Variants in RIMBP2 observed in about 807,000 individuals in gnomAD.
RIMBP2 encodes RIMS-binding protein 2.
Under a neutral mutation model 118.6 loss-of-function variants are expected in RIMBP2, and 48 were observed. The ratio of observed to expected loss-of-function variants is 0.40; its 90% CI spans 0.32 to 0.51. RIMBP2 has a LOEUF of 0.51. Ranked by LOEUF, RIMBP2 falls within the 20% of genes least tolerant of loss-of-function variation. RIMBP2 has a pLI of 0.41. For missense variants in RIMBP2, 1,551 were observed against 1,768.3 expected (o/e 0.88, Z 2.20); for synonymous variants, 762 against 742.9 (o/e 1.03, Z -0.42).
At position 130,710,781 on chromosome 12, in the gene RIMBP2, C is replaced by T. The variant is rs950734227; in HGVS notation, c.-352+5441G>A. Among the ~76,000 whole-genome samples, 1 of 152,214 alleles carries T rather than the reference C, an allele frequency of 6.6e-6. No individual in the cohort carries two copies. The highest frequency in any genetic ancestry group is 1.5e-5 in the Non-Finnish European group (1 of 68,046). ...CACCTACTAATGACAGACCACAAAA[C>T]ACCAACAAATGAGAATATCCCAAAT... On this transcript the variant is annotated intron_variant, in intron 1 of 22. Coordinates refer to ENST00000690449, the MANE Select transcript of RIMBP2 (RefSeq NM_001393629.1). The surrounding 1 kb of genome is among the most constrained non-coding windows in gnomAD (Gnocchi z 4.3).
intron 2 of RIMBP2, among the ~76,000 whole-genome samples, chr12:130,521,532 G>A (rs528864446): frequency 5.3e-5 from 8 of 152,316 alleles, no homozygotes; most frequent in African/African-American, 9.6e-5. Context: ...AAACGCACGC[G>A]TGGTCCCACA....
chr12:130,438,364 C>T lies in RIMBP2; in HGVS notation c.1656+1G>A, dbSNP rs530976000. The stretch of plus-strand genomic sequence containing the variant: ...TCCCCACCCACCCAACGAAAACTCA[C>T]CCTCTGCCCTTTGGCATACACGCCG... On this transcript the variant is annotated splice_donor_variant, in intron 12 of 22. Coordinates refer to ENST00000690449, the MANE Select transcript of RIMBP2 (RefSeq NM_001393629.1). LOFTEE classifies it high-confidence loss of function. The T allele has an allele frequency of 8.8e-7, 1 of 1,142,662 alleles. No homozygotes were observed. The highest frequency in any genetic ancestry group is 1.2e-5 in the South Asian group (1 of 82,630). 70.8% of individuals were successfully genotyped at this position (1,142,662 alleles called of 1,614,324 possible).
intron 2 of RIMBP2, among the ~76,000 whole-genome samples, chr12:130,604,304 A>C (rs1183516914): frequency 4.6e-5 from 7 of 151,776 alleles, no homozygotes; most frequent in Non-Finnish European, 1.0e-4. Flanking sequence ...AAAAAAAAAA[A>C]AAAACCTCAC....
chr12:130,606,122 T>C (rs915022797), intron 2 of RIMBP2, among the ~76,000 whole-genome samples: 1 of 151,964 alleles, frequency 6.6e-6, no homozygotes, highest in East Asian at 1.9e-4. Flanking sequence ...GAAAGGTTAA[T>C]GTGTAACTTT....
intron 1 of RIMBP2, among the ~76,000 whole-genome samples, chr12:130,705,670 C>T (rs1048910883): frequency 2.0e-5 from 3 of 152,258 alleles, no homozygotes; most frequent in Non-Finnish European, 2.9e-5. Context: ...CCTTCTGTGA[C>T]GCTGGAGCAC....
At chr12:130,711,909 C>T (rs933550198) in intron 1 of RIMBP2, among the ~76,000 whole-genome samples, 1 of 152,260 alleles carries the variant, frequency 6.6e-6, no homozygotes, top group Non-Finnish European at 1.5e-5. Context: ...GATGGGCAAG[C>T]CCATTGCTTC....
At chr12:130,480,390 T>C (rs1204429713) in intron 4 of RIMBP2, among the ~76,000 whole-genome samples, 1 of 152,114 alleles carries the variant, frequency 6.6e-6, no homozygotes, top group East Asian at 1.9e-4. Context: ...ATACCCCCGA[T>C]GTCTGCGGCC....
rs375328741 is a variant in RIMBP2, at chr12:130,442,454, C to T, written c.898G>A (p.Gly300Arg). 15 of 1,614,048 alleles carry T rather than the reference C, an allele frequency of 9.3e-6. No homozygotes were observed. Among genetic ancestry groups the T allele is most frequent in the African/African-American group, 1.3e-5 (1 of 74,918 alleles). ...IDAGITDNSA[G>R]TLDVNIDDIG... ...TCGTCGATGTTCACGTCCAGGGTCC[C>T]GGCACTGTTGTCGGTGATGCCCGCA... Residue 300 changes from glycine to arginine, a missense_variant, in exon 11 of 23, where the codon GGG becomes AGG. Coordinates refer to ENST00000690449, the MANE Select transcript of RIMBP2 (RefSeq NM_001393629.1). The surrounding 1 kb of genome is among the most constrained non-coding windows in gnomAD (Gnocchi z 6.9).
Position 130,696,026 on chromosome 12 carries a change from T to C in RIMBP2, c.-352+20196A>G, listed in dbSNP as rs1028035384. On this transcript the variant is annotated intron_variant, in intron 1 of 22. Transcript: ENST00000690449. ...TGATTTTGGACAGATGCATTTCAGA[T>C]GTGCATTGGGTCACCAAGGGGAGAT... Among the ~76,000 whole-genome samples the C allele has an allele frequency of 3.3e-5, 5 of 152,146 alleles. No individual in the cohort carries two copies. In the East Asian group the frequency reaches 9.6e-4, roughly 29 times the overall value.
intron 1 of RIMBP2, among the ~76,000 whole-genome samples, chr12:130,711,088 C>T (rs1949884677): frequency 1.3e-5 from 2 of 152,182 alleles, no homozygotes; most frequent in Non-Finnish European, 1.5e-5. Flanking sequence ...ATTAAAAATA[C>T]AAAACTTAGC....
rs1336833486 is a variant in RIMBP2, at chr12:130,612,943, A to T, written c.-217+15379T>A. The stretch of plus-strand genomic sequence containing the variant: ...CAGGACCTCCCGGGTAACCCCGATG[A>T]TTACACAGCCTCCACCTAGTCTCCA... On this transcript the variant is annotated intron_variant, in intron 2 of 22. Coordinates refer to ENST00000690449, the MANE Select transcript of RIMBP2 (RefSeq NM_001393629.1). Among the ~76,000 whole-genome samples the T allele has an allele frequency of 2.9e-5, 4 of 136,398 alleles. No homozygotes were observed. In the East Asian group the frequency reaches 9.6e-4, roughly 33 times the overall value. 89.5% of individuals were successfully genotyped at this position (136,398 alleles called of 152,430 possible).
chr12:130,594,297 T>A (rs1176495340), intron 2 of RIMBP2, among the ~76,000 whole-genome samples: 1 of 152,232 alleles, frequency 6.6e-6, no homozygotes, highest in East Asian at 1.9e-4. Context: ...CAGAGAACTG[T>A]CCTTCAAAAT....
At chr12:130,492,850 C>A (rs1483772824) in intron 4 of RIMBP2, among the ~76,000 whole-genome samples, 1 of 152,210 alleles carries the variant, frequency 6.6e-6, no homozygotes, top group East Asian at 1.9e-4. Context: ...CTGCACAGAA[C>A]CAGGTGCGGC....
Position 130,594,981 on chromosome 12 carries a change from T to C in RIMBP2, c.-217+33341A>G, listed in dbSNP as rs546929834. On this transcript the variant is annotated intron_variant, in intron 2 of 22. Coordinates refer to ENST00000690449, the MANE Select transcript of RIMBP2 (RefSeq NM_001393629.1). ...TGGTGGCTGCTCACATTTGCTAAAC[T>C]TCTACACCCTATCAGACACTATTTT... Among the ~76,000 whole-genome samples, 14 of 152,098 alleles carry C rather than the reference T, an allele frequency of 9.2e-5. No individual in the cohort carries two copies. The South Asian group carries it at 2.9e-3, about 32-fold the overall frequency.
At chr12:130,699,661 C>T (rs1265588639) in intron 1 of RIMBP2, among the ~76,000 whole-genome samples, 6 of 151,668 alleles carry the variant, frequency 4.0e-5, no homozygotes, top group East Asian at 1.9e-4. Flanking sequence ...CACACCAACA[C>T]GACACATGTA....
intron 2 of RIMBP2, among the ~76,000 whole-genome samples, chr12:130,598,128 A>C (rs1186443060): frequency 6.6e-6 from 1 of 152,266 alleles, no homozygotes; most frequent in Non-Finnish European, 1.5e-5. Context: ...AAAAATACAG[A>C]TTAAAATAGC....
chr12:130,675,078 T>C (rs1016685252), intron 1 of RIMBP2, among the ~76,000 whole-genome samples: 1 of 152,168 alleles, frequency 6.6e-6, no homozygotes, highest in Non-Finnish European at 1.5e-5. Context: ...GAGAGCATCC[T>C]TGATCCAAAG....
chr12:130,580,821 T>TCC (rs1416745722), intron 2 of RIMBP2, among the ~76,000 whole-genome samples: 1 of 151,976 alleles, frequency 6.6e-6, no homozygotes, highest in Non-Finnish European at 1.5e-5. Flanking sequence ...GCACCTGTAA[T>TCC]CCCAGCTACT....
At chr12:130,713,154 G>C (rs902149697) in intron 1 of RIMBP2, among the ~76,000 whole-genome samples, 1 of 146,796 alleles carries the variant, frequency 6.8e-6, no homozygotes, top group Non-Finnish European at 1.5e-5. Flanking sequence ...TGAAAGAAAC[G>C]GAATAAAAGA....
Sources: gnomAD v4.1 joint callset for allele counts (sites outside exome capture counted in the v4.1 genomes callset) on GRCh38, gnomAD v4.1.1 for gene constraint, Gnocchi (gnomAD v3.1) non-coding constraint, MANE v1.5 for transcripts, NCBI Gene and HGNC (gene_info 2026-07-23, HGNC 2026-07-21) for gene names.